CSMD3: variants seen among roughly 807,000 people sequenced by gnomAD.
CSMD3 encodes CUB and Sushi multiple domains 3.
A neutral mutation model predicts 435.2 loss-of-function variants in CSMD3; 177 were observed. The ratio of observed to expected loss-of-function variants is 0.41; its 90% CI spans 0.36 to 0.46. The LOEUF is 0.46. CSMD3 is among the 20% of genes least tolerant of loss of function. The pLI is 0.34. For missense variants in CSMD3, 4,265 were observed against 4,504.6 expected, an observed-to-expected ratio of 0.95 and a Z score of 1.52; for synonymous variants, 1,656 against 1,520.5, an observed-to-expected ratio of 1.09 and a Z score of -2.07.
chr8:113,193,505 CT>C (rs11324935), intron 3 of CSMD3, among the ~76,000 whole-genome samples: 50,860 of 151,076 alleles, frequency 0.34, 9,406 homozygotes, highest in East Asian at 0.7. Flanking sequence ...TGACTTCTCT[CT>C]GTTACTACTG....
At chr8:112,701,063 C>T (rs1358983719) in intron 13 of CSMD3, among the ~76,000 whole-genome samples, 1 of 152,076 alleles carries the variant, frequency 6.6e-6, no homozygotes, top group Non-Finnish European at 1.5e-5. Flanking sequence ...ATAACTTTTC[C>T]CCCTCTTTCT....
intron 5 of CSMD3, among the ~76,000 whole-genome samples, chr8:113,072,026 T>C (rs948185733): frequency 6.6e-6 from 1 of 151,790 alleles, no homozygotes; most frequent in Non-Finnish European, 1.5e-5. Context: ...TTAACCTCCT[T>C]GGTTAAGTTT....
intron 13 of CSMD3, among the ~76,000 whole-genome samples, chr8:112,787,356 G>A (rs1333011131): frequency 1.3e-5 from 2 of 152,096 alleles, no homozygotes; most frequent in Admixed American, 6.6e-5. Flanking sequence ...GTGGAGAAAA[G>A]AGAACTCTCA....
intron 13 of CSMD3, among the ~76,000 whole-genome samples, chr8:112,705,378 T>C (rs2076476667): frequency 6.6e-6 from 1 of 152,210 alleles, no homozygotes; most frequent in Admixed American, 6.6e-5. Flanking sequence ...CCCCACAAGT[T>C]AATGCCCCAG....
At chr8:113,110,864 C>A (rs1049303543) in intron 4 of CSMD3, among the ~76,000 whole-genome samples, 1 of 152,154 alleles carries the variant, frequency 6.6e-6, no homozygotes, top group Non-Finnish European at 1.5e-5. Context: ...GCTGGGAAAT[C>A]CAAGATGAAG....
At chr8:113,017,163 C>T (rs1470001301) in intron 6 of CSMD3, among the ~76,000 whole-genome samples, 1 of 151,938 alleles carries the variant, frequency 6.6e-6, no homozygotes, top group Non-Finnish European at 1.5e-5. Flanking sequence ...AGTTGTACCT[C>T]ATAAAACACA....
intron 1 of CSMD3, among the ~76,000 whole-genome samples, chr8:113,333,539 C>T (rs1229474118): frequency 6.6e-6 from 1 of 151,798 alleles, no homozygotes; most frequent in Non-Finnish European, 1.5e-5. Flanking sequence ...ATCTACATTT[C>T]CGTAAATGAA....
intron 41 of CSMD3, among the ~76,000 whole-genome samples, chr8:112,345,729 T>TA (rs1017062486): frequency 6.6e-6 from 1 of 152,106 alleles, no homozygotes; most frequent in Non-Finnish European, 1.5e-5. Context: ...GTTCTCACCA[T>TA]AAAAAATATT....
chr8:113,195,791 TTATA>T (rs749886578), intron 3 of CSMD3, among the ~76,000 whole-genome samples: 1,445 of 126,012 alleles, frequency 0.011, 29 homozygotes, highest in African/African-American at 0.039. Context: ...ATCCTATATT[TTATA>T]TATATATATA....
chr8:112,656,007 C>T (rs528357831), intron 18 of CSMD3, 147 bp downstream of exon 18: 1 of 536,640 alleles, frequency 1.9e-6, no homozygotes, highest in East Asian at 3.0e-5. Context: ...CTAAAACACA[C>T]ACCTTATAAA....
At chr8:113,150,250 T>G (rs190209530) in intron 4 of CSMD3, among the ~76,000 whole-genome samples, 1 of 151,948 alleles carries the variant, frequency 6.6e-6, no homozygotes. Context: ...GTTTTGTAGG[T>G]GTAATTATGG....
At chr8:112,408,165 A>G (rs950366412) in intron 34 of CSMD3, among the ~76,000 whole-genome samples, 153 bp downstream of exon 34, 3 of 152,076 alleles carry the variant, frequency 2.0e-5, no homozygotes, top group African/African-American at 7.2e-5. Context: ...TACTTTGGTC[A>G]AGGTGACAGT....
chr8:113,148,873 G>T (rs1409123060), intron 4 of CSMD3, among the ~76,000 whole-genome samples: 1 of 151,426 alleles, frequency 6.6e-6, no homozygotes, highest in East Asian at 1.9e-4. Flanking sequence ...TGAAGCAACA[G>T]TATTTACTTT....
chr8:112,417,875 A>C (rs1241598261), intron 32 of CSMD3, among the ~76,000 whole-genome samples: 1 of 152,170 alleles, frequency 6.6e-6, no homozygotes, highest in Non-Finnish European at 1.5e-5. Context: ...CAGAAAAGGA[A>C]ATTAGAAAAT....
intron 3 of CSMD3, among the ~76,000 whole-genome samples, chr8:113,206,302 T>G (rs2092770247): frequency 6.6e-6 from 1 of 152,190 alleles, no homozygotes; most frequent in Admixed American, 6.5e-5. Context: ...GTGGCTTTAC[T>G]ACCATTGCCA....
chr8:113,138,268 G>T (rs1413004736), intron 4 of CSMD3, among the ~76,000 whole-genome samples: 1 of 151,348 alleles, frequency 6.6e-6, no homozygotes, highest in Non-Finnish European at 1.5e-5. Context: ...TGATGTATAG[G>T]CTATTTGAGG....
At chr8:112,325,973 GA>G (rs1185755549) in intron 45 of CSMD3, among the ~76,000 whole-genome samples, 1 of 151,942 alleles carries the variant, frequency 6.6e-6, no homozygotes, top group Non-Finnish European at 1.5e-5. Context: ...CTTTCAATAA[GA>G]ATAAACCACT....
intron 35 of CSMD3, among the ~76,000 whole-genome samples, chr8:112,404,718 T>C (rs1831621529): frequency 1.3e-5 from 2 of 152,226 alleles, no homozygotes; most frequent in Admixed American, 1.3e-4. Flanking sequence ...ATATAATTTA[T>C]TTTCATATGG....
chr8:113,309,141 G>C (rs576897471), intron 2 of CSMD3: 20 of 152,064 alleles, frequency 1.3e-4, no homozygotes, highest in African/African-American at 4.8e-4. Flanking sequence ...TGTAGAGATG[G>C]GGTTTCACCA....
Sources: gnomAD v4.1 joint callset for allele counts (sites outside exome capture counted in the v4.1 genomes callset) on GRCh38, gnomAD v4.1.1 for gene constraint, MANE v1.5 for transcripts, NCBI Gene and HGNC (gene_info 2026-07-23, HGNC 2026-07-21) for gene names.